The following MIS18BP1 variants were observed in gnomAD, a reference collection of about 807,000 sequenced individuals.
MIS18BP1 encodes mis18-binding protein 1.
Under a neutral mutation model 116.1 loss-of-function variants are expected in MIS18BP1, and 72 were observed. The observed-to-expected ratio is 0.62, with a 90% CI of 0.51 to 0.75. The LOEUF (loss-of-function observed/expected upper bound fraction) is 0.75. MIS18BP1 is among the 30% of genes least tolerant of loss of function. The pLI is 0.00. For missense variants in MIS18BP1, 1,363 were observed against 1,303.2 expected, an observed-to-expected ratio of 1.05 and a Z score of -0.71; for synonymous variants, 386 against 427.0, an observed-to-expected ratio of 0.90 and a Z score of 1.18.
At chr14:45,230,122 C>A (rs1187898666) in intron 8 of MIS18BP1, among the ~76,000 whole-genome samples, 1 of 152,134 alleles carries the variant, frequency 6.6e-6, no homozygotes, top group African/African-American at 2.4e-5. Flanking sequence ...TGAACTCTTT[C>A]AAGTTTTGGA....
At chr14:45,223,814 T>C (rs1375323014) in intron 11 of MIS18BP1, 104 bp downstream of exon 11, 4 of 826,790 alleles carry the variant, frequency 4.8e-6, no homozygotes, top group Non-Finnish European at 7.2e-6. Flanking sequence ...TTCTCCCTTT[T>C]TTTTAATGAC....
chr14:45,246,688 T>C, intron 2 of MIS18BP1, 55 bp downstream of exon 2: 1 of 1,490,146 alleles, frequency 6.7e-7, no homozygotes, highest in Non-Finnish European at 8.9e-7. Flanking sequence ...AAACAGTGTC[T>C]GAAACATTAA....
intron 6 of MIS18BP1, among the ~76,000 whole-genome samples, chr14:45,235,348 C>G (rs1452503096): frequency 1.3e-5 from 2 of 152,084 alleles, no homozygotes; most frequent in Admixed American, 6.5e-5. Context: ...CAGCTACCTG[C>G]AGTTGCTATT....
At chr14:45,211,104 C>G (rs1218901769) in intron 13 of MIS18BP1, among the ~76,000 whole-genome samples, 2 of 152,182 alleles carry the variant, frequency 1.3e-5, no homozygotes, top group Non-Finnish European at 2.9e-5. Context: ...TGTTTCCATT[C>G]ATCTTGAAAT....
intron 9 of MIS18BP1, among the ~76,000 whole-genome samples, chr14:45,227,272 G>T (rs912501278): frequency 2.0e-5 from 3 of 152,166 alleles, no homozygotes; most frequent in African/African-American, 7.2e-5. Flanking sequence ...ACTTTGGGAG[G>T]CAGAGGTGGG....
At chr14:45,235,112 A>G (rs1479290239) in intron 6 of MIS18BP1, among the ~76,000 whole-genome samples, 1 of 150,990 alleles carries the variant, frequency 6.6e-6, no homozygotes, top group Non-Finnish European at 1.5e-5. Flanking sequence ...AGGCTGAGGC[A>G]TGAATAATCG....
chr14:45,217,572 A>G (rs1479775535), intron 12 of MIS18BP1, among the ~76,000 whole-genome samples: 1 of 152,178 alleles, frequency 6.6e-6, no homozygotes, highest in African/African-American at 2.4e-5. Flanking sequence ...GAAGAGGCTA[A>G]GATTAGGCAG....
At position 45,203,490 on chromosome 14, in the gene MIS18BP1, A is replaced by G. The variant is rs1325809394; in HGVS notation, c.*619T>C. ...CAAAATCTGTTCTCTAATTTTACCTAGTAAAATAATGGTAAAGCAATAAAC... is the reference window on the plus strand; with the variant it reads ...CAAAATCTGTTCTCTAATTTTACCTGGTAAAATAATGGTAAAGCAATAAAC... On this transcript the variant is annotated 3_prime_UTR_variant, in exon 17 of 17. Transcript: ENST00000310806. The G allele has an allele frequency of 1.3e-5, 2 of 152,180 alleles. No homozygotes were observed. Among genetic ancestry groups the G allele is most frequent in the Non-Finnish European group, 2.9e-5 (2 of 68,010 alleles). 9.4% of individuals were successfully genotyped at this position (152,180 alleles called of 1,614,324 possible). A position where few individuals can be genotyped will look rare whatever the true frequency, so the allele number is the denominator to read the frequency against.
At chr14:45,219,776 C>T (rs1268739081) in intron 11 of MIS18BP1, among the ~76,000 whole-genome samples, 1 of 152,166 alleles carries the variant, frequency 6.6e-6, no homozygotes, top group African/African-American at 2.4e-5. Flanking sequence ...ACTAGAAGGA[C>T]TTGGGAACTC....
chr14:45,205,817 C>T (rs1004341273), intron 15 of MIS18BP1, among the ~76,000 whole-genome samples: 36 of 152,074 alleles, frequency 2.4e-4, no homozygotes, highest in Admixed American at 2.4e-3. Context: ...CCTTCCCAGA[C>T]CTCTGTGTAT....
chr14:45,210,227 C>T (rs1307529863), intron 14 of MIS18BP1, 153 bp downstream of exon 14: 1 of 723,378 alleles, frequency 1.4e-6, no homozygotes, highest in East Asian at 2.9e-5. Flanking sequence ...ATTTGATGAA[C>T]TTGTCCATCC....
At chr14:45,252,589 G>A (rs911886382) in intron 1 of MIS18BP1, among the ~76,000 whole-genome samples, 3 of 152,076 alleles carry the variant, frequency 2.0e-5, no homozygotes, top group African/African-American at 7.2e-5. Context: ...GTGTGCCACC[G>A]CGCCCGACCA....
intron 5 of MIS18BP1, 129 bp from the exon 6 acceptor site, chr14:45,236,073 C>G: frequency 1.2e-6 from 1 of 836,212 alleles, no homozygotes; most frequent in Non-Finnish European, 1.8e-6. Context: ...TATTTGAAGG[C>G]CAAACATTAC....
At chr14:45,232,503 T>C (rs1891314613) in intron 7 of MIS18BP1, 3 of 425,826 alleles carry the variant, frequency 7.0e-6, no homozygotes, top group Non-Finnish European at 8.5e-6. Flanking sequence ...TAAATGTAAA[T>C]TGTACCTCAG....
chr14:45,219,805 G>A (rs979227994), intron 11 of MIS18BP1, among the ~76,000 whole-genome samples: 9 of 152,174 alleles, frequency 5.9e-5, no homozygotes, highest in African/African-American at 2.2e-4. Context: ...CTATTTGTGT[G>A]TGTGGCTAAT....
chr14:45,237,862 A>G (rs1891470307), intron 4 of MIS18BP1, 141 bp from the exon 5 acceptor site: 1 of 1,220,110 alleles, frequency 8.2e-7, no homozygotes, highest in South Asian at 1.9e-5. Context: ...TTCACATTCT[A>G]TTCTAAATAG....
intron 13 of MIS18BP1, among the ~76,000 whole-genome samples, chr14:45,215,560 A>G (rs1335042714): frequency 6.7e-6 from 1 of 150,228 alleles, no homozygotes; most frequent in Non-Finnish European, 1.5e-5. Flanking sequence ...TTATAGGTGC[A>G]TGCCACCACA....
chr14:45,231,098 A>T (rs1566814068), intron 8 of MIS18BP1, 43 bp downstream of exon 8: 41 of 1,588,568 alleles, frequency 2.6e-5, no homozygotes, highest in Non-Finnish European at 3.4e-5. Flanking sequence ...ACCATGTAAG[A>T]ACTTAACCAC....
chr14:45,247,753 A>C (rs1891761103), intron 1 of MIS18BP1, among the ~76,000 whole-genome samples: 1 of 152,210 alleles, frequency 6.6e-6, no homozygotes, highest in South Asian at 2.1e-4. Flanking sequence ...ATATGGCACT[A>C]CATTAGGTTA....
Sources: allele counts gnomAD v4.1 joint callset (sites outside exome capture counted in the v4.1 genomes callset), GRCh38; gene constraint gnomAD v4.1.1; transcripts MANE v1.5; gene names NCBI Gene and HGNC (gene_info 2026-07-23, HGNC 2026-07-21).